Variants in ZNF710 observed in about 807,000 individuals in gnomAD.
ZNF710 encodes the protein zinc finger protein 710.
Under a neutral mutation model 50.6 loss-of-function variants are expected in ZNF710, and 13 were observed. The ratio of observed to expected loss-of-function variants is 0.26; its 90% confidence interval spans 0.17 to 0.41. ZNF710 has a LOEUF of 0.41. ZNF710 is among the 10% of genes least tolerant of loss of function. The pLI is 1.00. For missense variants in ZNF710, 721 were observed against 936.6 expected (o/e 0.77, Z 3.01); for synonymous variants, 383 against 397.0 (o/e 0.96, Z 0.42).
intron 4 of ZNF710, chr15:90,075,514 C>T (rs1900563581): frequency 6.6e-6 from 1 of 152,130 alleles, no homozygotes; most frequent in Admixed American, 6.5e-5. Flanking sequence ...AAAGCAAGAC[C>T]CTATCGCCAA....
At chr15:90,042,114 C>G (rs1899313606) in intron 1 of ZNF710, among the ~76,000 whole-genome samples, 2 of 151,894 alleles carry the variant, frequency 1.3e-5, no homozygotes, top group African/African-American at 4.8e-5. Context: ...GCCAGGCTGG[C>G]TTGAACTCCT....
At chr15:90,066,457 G>A (rs1232132470) in intron 1 of ZNF710, among the ~76,000 whole-genome samples, 1 of 148,730 alleles carries the variant, frequency 6.7e-6, no homozygotes, top group Non-Finnish European at 1.5e-5. Flanking sequence ...TTGCATTTTT[G>A]AATCCGATTT....
chr15:90,077,959 G>A (rs1172320617), intron 4 of ZNF710, among the ~76,000 whole-genome samples: 1 of 151,992 alleles, frequency 6.6e-6, no homozygotes, highest in Non-Finnish European at 1.5e-5. Flanking sequence ...TGTAATCCCA[G>A]CACTTTGAGA....
chr15:90,045,317 A>G (rs893475007), intron 1 of ZNF710: 5 of 985,294 alleles, frequency 5.1e-6, no homozygotes, highest in East Asian at 1.1e-4. Context: ...CTGGAACAGC[A>G]GAAAGAAGGA....
At chr15:90,005,108 G>C (rs956029961) in intron 1 of ZNF710, among the ~76,000 whole-genome samples, 2 of 152,250 alleles carry the variant, frequency 1.3e-5, no homozygotes, top group African/African-American at 4.8e-5. Flanking sequence ...ATTTCCATCT[G>C]TGGGTTAAAT....
chr15:90,000,350 T>A (rs1897981934), upstream of ZNF710, among the ~76,000 whole-genome samples: 1 of 152,028 alleles, frequency 6.6e-6, no homozygotes, highest in Admixed American at 6.5e-5. Context: ...AGGCCTGGTG[T>A]CCGGCCTGCG....
At position 90,034,988 on chromosome 15, in the gene ZNF710, C is replaced by G. The variant is rs1019244813; in HGVS notation, c.-28-32122C>G. The stretch of plus-strand genomic sequence containing the variant: ...CTGGTAGAAGGGGTGTCTGGAGGGC[C>G]TCTGCCTTCCGTCATCAGAAGGAGG... On this transcript the variant is annotated intron_variant, in intron 1 of 4. Transcript: ENST00000268154. This position sits in a 1 kb window ranked among gnomAD's most constrained non-coding sequence, Gnocchi z 4.0. Among the ~76,000 whole-genome samples the G allele has an allele frequency of 6.6e-6, 1 of 152,204 alleles. No homozygotes were observed. Among genetic ancestry groups the G allele is most frequent in the African/African-American group, 2.4e-5 (1 of 41,460 alleles).
chr15:90,009,431 A>C (rs1026734530), intron 1 of ZNF710, among the ~76,000 whole-genome samples: 2 of 151,932 alleles, frequency 1.3e-5, no homozygotes, highest in African/African-American at 4.8e-5. Context: ...AAGACTGTAG[A>C]CTTGCCATTA....
At chr15:90,001,313 GTC>G (rs927472113), upstream of ZNF710, 1 of 152,206 alleles carries the variant, frequency 6.6e-6, no homozygotes, top group Non-Finnish European at 1.5e-5. Flanking sequence ...CTGCTTTTCT[GTC>G]TCTCTCTTCC....
rs1899032500 is a variant in ZNF710, at chr15:90,034,134, G to A, written c.-29+32520G>A. ...AATCGCTTGAACCCAGGAGGCAGAG[G>A]TTGCAGTGAGCCGAGATCGCATCAT... On this transcript the variant is annotated intron_variant, in intron 1 of 4. Coordinates refer to ENST00000268154, the MANE Select transcript of ZNF710 (RefSeq NM_198526.4). The surrounding 1 kb of genome is among the most constrained non-coding windows in gnomAD (Gnocchi z 4.0). Among the ~76,000 whole-genome samples the A allele has an allele frequency of 6.6e-6, 1 of 151,966 alleles. No homozygotes were observed. The highest frequency in any genetic ancestry group is 6.6e-5 in the Admixed American group (1 of 15,246).
intron 1 of ZNF710, among the ~76,000 whole-genome samples, chr15:90,022,909 A>G (rs1365310764): frequency 1.3e-5 from 2 of 152,216 alleles, no homozygotes; most frequent in African/African-American, 4.8e-5. Context: ...TTGAGAATGT[A>G]GAAAGCTCTT....
At chr15:90,021,563 A>G (rs1021565558) in intron 1 of ZNF710, among the ~76,000 whole-genome samples, 2 of 152,148 alleles carry the variant, frequency 1.3e-5, no homozygotes, top group African/African-American at 4.8e-5. Flanking sequence ...TACTTCCTTC[A>G]TTCAATCAGC....
At chr15:90,026,263 C>CAAAAAAAAAAAAA (rs140942275) in intron 1 of ZNF710, among the ~76,000 whole-genome samples, 1 of 100,548 alleles carries the variant, frequency 9.9e-6, no homozygotes, top group African/African-American at 4.3e-5. Flanking sequence ...ACAACAACAA[C>CAAAAAAAAAAAAA]AACAACAAAA....
chr15:90,025,752 C>A (rs1187741343), intron 1 of ZNF710: 1 of 152,150 alleles, frequency 6.6e-6, no homozygotes, highest in Non-Finnish European at 1.5e-5. Flanking sequence ...TTGTGCCAGT[C>A]GGGGAGTCCT....
At position 90,062,175 on chromosome 15, in the gene ZNF710, C is replaced by G. The variant is rs1480264751; in HGVS notation, c.-28-4935C>G. Among the ~76,000 whole-genome samples the G allele has an allele frequency of 2.7e-5, 4 of 150,664 alleles. No individual in the cohort carries two copies. The highest frequency in any genetic ancestry group is 9.8e-5 in the African/African-American group (4 of 40,920). ...CCTCCCCCTCACTCAGGCTCCTCCT[C>G]TGCCCCCCCTTCCCTGTCTCTTCAT... On this transcript the variant is annotated intron_variant, in intron 1 of 4. Transcript: ENST00000268154. This position sits in a 1 kb window ranked among gnomAD's most constrained non-coding sequence, Gnocchi z 5.6.
At chr15:90,013,891 A>T (rs935674133) in intron 1 of ZNF710, among the ~76,000 whole-genome samples, 2 of 152,098 alleles carry the variant, frequency 1.3e-5, no homozygotes, top group Non-Finnish European at 2.9e-5. Context: ...ATTACCTATT[A>T]GTCTGTGAGT....
chr15:90,027,445 A>C (rs935275394), intron 1 of ZNF710, among the ~76,000 whole-genome samples: 1 of 152,112 alleles, frequency 6.6e-6, no homozygotes, highest in Non-Finnish European at 1.5e-5. Flanking sequence ...CCTGACCTTA[A>C]ATGATCCACC....
chr15:90,006,551 G>C (rs1898145257), intron 1 of ZNF710, among the ~76,000 whole-genome samples: 1 of 152,200 alleles, frequency 6.6e-6, no homozygotes, highest in South Asian at 2.1e-4. Context: ...TTTAATTACA[G>C]TGGTTATAAA....
At chr15:90,071,762 T>C (rs919929509) in intron 2 of ZNF710, among the ~76,000 whole-genome samples, 1 of 147,676 alleles carries the variant, frequency 6.8e-6, no homozygotes, top group Non-Finnish European at 1.5e-5. Flanking sequence ...CACTGCAACC[T>C]CCGCCTCCTG....
Sources: gnomAD v4.1 joint callset for allele counts (sites outside exome capture counted in the v4.1 genomes callset) on GRCh38, gnomAD v4.1.1 for gene constraint, Gnocchi (gnomAD v3.1) non-coding constraint, MANE v1.5 for transcripts, NCBI Gene and HGNC (gene_info 2026-07-23, HGNC 2026-07-21) for gene names.